FNDC3B: variants seen among roughly 807,000 people sequenced by gnomAD.
FNDC3B encodes the protein fibronectin type III domain containing 3B.
A neutral mutation model predicts 151.5 loss-of-function variants in FNDC3B; 12 were observed. The observed-to-expected ratio is 0.08, with a 90% confidence interval of 0.05 to 0.13. FNDC3B has a LOEUF of 0.13. Among genes scored for constraint, FNDC3B ranks in the 10% least tolerant of loss-of-function variants. The pLI, the probability that FNDC3B is intolerant of heterozygous loss-of-function variation, is 1.00. For missense variants in FNDC3B, 1,214 were observed against 1,505.3 expected, an observed-to-expected ratio of 0.81 and a Z score of 3.20; for synonymous variants, 528 against 549.0, an observed-to-expected ratio of 0.96 and a Z score of 0.54.
At chr3:172,094,774 A>G (rs1719016916) in intron 1 of FNDC3B, among the ~76,000 whole-genome samples, 1 of 151,240 alleles carries the variant, frequency 6.6e-6, no homozygotes, top group Non-Finnish European at 1.5e-5. Flanking sequence ...CCCATCTCTT[A>G]TGGGTGCTTC....
At chr3:172,261,761 A>G (rs1464776308) in intron 6 of FNDC3B, among the ~76,000 whole-genome samples, 1 of 152,204 alleles carries the variant, frequency 6.6e-6, no homozygotes, top group Non-Finnish European at 1.5e-5. Context: ...GCAATTTACA[A>G]AGTAATAAGT....
chr3:172,283,031 A>G (rs1729821019), intron 6 of FNDC3B, among the ~76,000 whole-genome samples: 1 of 152,224 alleles, frequency 6.6e-6, no homozygotes, highest in South Asian at 2.1e-4. Flanking sequence ...CATGCAGGGG[A>G]TATTGTAAAA....
chr3:172,129,712 T>C (rs576733622), intron 2 of FNDC3B, among the ~76,000 whole-genome samples: 1 of 152,366 alleles, frequency 6.6e-6, no homozygotes, highest in East Asian at 1.9e-4. Flanking sequence ...ACAGATCTGA[T>C]GAAGCAATAG....
At chr3:172,167,743 G>T (rs1429445495) in intron 3 of FNDC3B, among the ~76,000 whole-genome samples, 1 of 152,172 alleles carries the variant, frequency 6.6e-6, no homozygotes, top group African/African-American at 2.4e-5. Flanking sequence ...TCTGCCTCCT[G>T]TCAGATCAGC....
chr3:172,328,702 C>T (rs2108283512), intron 11 of FNDC3B, among the ~76,000 whole-genome samples: 1 of 152,296 alleles, frequency 6.6e-6, no homozygotes, highest in South Asian at 2.1e-4. Context: ...AAAAAAACCA[C>T]AGGTACAGTA....
intron 1 of FNDC3B, among the ~76,000 whole-genome samples, chr3:172,092,555 A>G (rs560266673): frequency 6.6e-6 from 1 of 152,298 alleles, no homozygotes; most frequent in African/African-American, 2.4e-5. Context: ...AAGTCTAGTC[A>G]TTACCCAGTC....
At chr3:172,338,509 T>C (rs1733110234) in intron 16 of FNDC3B, among the ~76,000 whole-genome samples, 1 of 152,118 alleles carries the variant, frequency 6.6e-6, no homozygotes, top group Non-Finnish European at 1.5e-5. Flanking sequence ...CCAACTTCAT[T>C]GTCATTTTGC....
chr3:172,196,116 A>G (rs537181284), intron 3 of FNDC3B, among the ~76,000 whole-genome samples: 1 of 152,220 alleles, frequency 6.6e-6, no homozygotes, highest in Non-Finnish European at 1.5e-5. Flanking sequence ...AGCCACCCAC[A>G]CTAAAGCTTT....
At chr3:172,197,871 T>C (rs1724918653) in intron 3 of FNDC3B, among the ~76,000 whole-genome samples, 1 of 152,238 alleles carries the variant, frequency 6.6e-6, no homozygotes, top group African/African-American at 2.4e-5. Context: ...TTGACTAAGA[T>C]GGTACCTGCC....
chr3:172,373,391 G>A (rs544879390), intron 23 of FNDC3B, among the ~76,000 whole-genome samples: 4 of 152,294 alleles, frequency 2.6e-5, no homozygotes, highest in Admixed American at 1.3e-4. Flanking sequence ...ATAAGCAGGT[G>A]GAATCTAAGC....
At chr3:172,048,407 A>C (rs1238504969) in intron 1 of FNDC3B, among the ~76,000 whole-genome samples, 1 of 152,172 alleles carries the variant, frequency 6.6e-6, no homozygotes, top group African/African-American at 2.4e-5. Context: ...CTCAAGAAAA[A>C]TAATTCTGAT....
At chr3:172,044,616 A>G (rs1246702150) in intron 1 of FNDC3B, among the ~76,000 whole-genome samples, 1 of 152,228 alleles carries the variant, frequency 6.6e-6, no homozygotes, top group Non-Finnish European at 1.5e-5. Context: ...CAGATAACTG[A>G]AACATCCTGT....
At chr3:172,377,876 G>A (rs1735234308) in intron 23 of FNDC3B, among the ~76,000 whole-genome samples, 1 of 152,110 alleles carries the variant, frequency 6.6e-6, no homozygotes, top group South Asian at 2.1e-4. Context: ...TATTTCTCAG[G>A]TGTCCTGTTA....
intron 4 of FNDC3B, among the ~76,000 whole-genome samples, chr3:172,239,397 T>A (rs1286884665): frequency 6.6e-6 from 1 of 152,218 alleles, no homozygotes; most frequent in Non-Finnish European, 1.5e-5. Flanking sequence ...TTTAGGCATG[T>A]TGGCAGCAAT....
chr3:172,274,405 T>C (rs1388901361), intron 6 of FNDC3B, among the ~76,000 whole-genome samples: 3 of 152,136 alleles, frequency 2.0e-5, no homozygotes, highest in African/African-American at 7.2e-5. Context: ...AGAAGAGGTT[T>C]TGGATGGCCC....
At chr3:172,195,103 T>G (rs1724755985) in intron 3 of FNDC3B, among the ~76,000 whole-genome samples, 1 of 152,202 alleles carries the variant, frequency 6.6e-6, no homozygotes, top group Admixed American at 6.5e-5. Context: ...CTTTAGTTAT[T>G]TTAAAAAAAG....
chr3:172,388,579 G>C (rs551378611), intron 25 of FNDC3B, among the ~76,000 whole-genome samples: 5 of 152,334 alleles, frequency 3.3e-5, no homozygotes, highest in Admixed American at 2.6e-4. Flanking sequence ...AGCGTGGCCT[G>C]CTGCCCTGAT....
intron 3 of FNDC3B, among the ~76,000 whole-genome samples, chr3:172,217,120 A>G (rs1726024086): frequency 6.6e-6 from 1 of 152,134 alleles, no homozygotes; most frequent in Admixed American, 6.5e-5. Flanking sequence ...GTTCTCTTCA[A>G]TGTCATTGTG....
intron 6 of FNDC3B, among the ~76,000 whole-genome samples, chr3:172,264,482 T>G (rs530490849): frequency 6.6e-6 from 1 of 152,348 alleles, no homozygotes; most frequent in South Asian, 2.1e-4. Flanking sequence ...CTCATTCATC[T>G]CTTTTTCTTC....
Sources: allele counts gnomAD v4.1 joint callset (sites outside exome capture counted in the v4.1 genomes callset), GRCh38; gene constraint gnomAD v4.1.1; transcripts MANE v1.5; gene names NCBI Gene and HGNC (gene_info 2026-07-23, HGNC 2026-07-21).